The following TUBGCP6 variants were observed in gnomAD, a reference collection of about 807,000 sequenced individuals.
The protein encoded by TUBGCP6 is tubulin gamma complex component 6, also known as gamma-tubulin complex component 6.
In TUBGCP6, 161 loss-of-function variants were observed where a neutral mutation model predicts 175.8. That is an observed-to-expected ratio of 0.92 (90% CI 0.81 to 1.04). The LOEUF (loss-of-function observed/expected upper bound fraction) is 1.04, where lower values mean the gene tolerates loss of function less well. TUBGCP6 is among the 50% of genes least tolerant of loss of function. TUBGCP6 has a pLI of 0.00. For synonymous variants in TUBGCP6, 1,173 were observed against 1,030.5 expected (o/e 1.14, Z -2.65); for missense variants, 2,572 against 2,433.0 (o/e 1.06, Z -1.20).
rs2064522990 is a variant in TUBGCP6, at chr22:50,221,508, ACTC to A, written c.2848_2850del (p.Glu950del). 1 of 1,585,550 alleles carries A rather than the reference ACTC, an allele frequency of 6.3e-7. No individual in the cohort carries two copies. The highest frequency in any genetic ancestry group is 1.3e-5 in the African/African-American group (1 of 74,274). On this transcript the variant is annotated inframe_deletion, in exon 16 of 25. Coordinates refer to ENST00000248846, the MANE Select transcript of TUBGCP6 (RefSeq NM_020461.4). ...GGCCTCAGGACAGTACTAAAGTCGT[ACTC>A]CTGTGGCCTGGAGGGCTGAGTGCTG...
At position 50,219,119 on chromosome 22, in the gene TUBGCP6, C is replaced by G; in HGVS notation, c.4575G>C (p.Leu1525=). ...ACTGGGCGAACTCGCCGTCCTCCAT[C>G]AGCAGGAAGTGCCGCAGTGCCTCAT... ...AHYEALRHFL[L]MEDGEFAQSL... The change falls in exon 20 of 25, where the codon CTG becomes CTC. Residue 1525 remains leucine, a synonymous_variant. Coordinates refer to ENST00000248846, the MANE Select transcript of TUBGCP6 (RefSeq NM_020461.4). 2 of 1,613,192 alleles carry G rather than the reference C, an allele frequency of 1.2e-6. No individual in the cohort carries two copies. The highest frequency in any genetic ancestry group is 1.7e-6 in the Non-Finnish European group (2 of 1,179,972).
In TUBGCP6 at chr22:50,219,325, G is replaced by T; in HGVS notation, c.4447C>A (p.Leu1483Ile). The T allele has an allele frequency of 6.2e-7, 1 of 1,601,124 alleles. No homozygotes were observed. Among genetic ancestry groups the T allele is most frequent in the Non-Finnish European group, 8.5e-7 (1 of 1,175,208 alleles). Residue 1483 changes from leucine (L) to isoleucine (I), a missense_variant, in exon 19 of 25, where the codon CTC (leucine) becomes ATC (isoleucine). Leu to Ile is a conservative substitution (Grantham distance 5, BLOSUM62 2). Coordinates refer to ENST00000248846, the MANE Select transcript of TUBGCP6 (RefSeq NM_020461.4). ...GGTGCCGTGATGGAGCGCTTCATGA[G>T]CACGGGCAGCGTCAGCAACTCGCTC... Reference protein sequence around the residue: ...QLSELLTLPVLMKRSITAPLA... With the variant: ...QLSELLTLPVIMKRSITAPLA...
intron 4 of TUBGCP6, 91 bp downstream of exon 4, chr22:50,229,313 G>T: frequency 2.1e-6 from 3 of 1,410,250 alleles, no homozygotes; most frequent in Non-Finnish European, 2.9e-6. Flanking sequence ...AGACTCTCTG[G>T]TCCTGCAGAA....
chr22:50,233,211 C>T, intron 3 of TUBGCP6, 105 bp downstream of exon 3: 17 of 1,353,114 alleles, frequency 1.3e-5, no homozygotes, highest in Non-Finnish European at 3.0e-6. Context: ...TGCCACTCCC[C>T]ACTCCCTGCA....
Position 50,233,447 on chromosome 22 carries a change from C to G in TUBGCP6, c.985G>C (p.Gly329Arg), listed in dbSNP as rs772270428. The G allele has an allele frequency of 6.2e-7, 1 of 1,613,416 alleles. No homozygotes were observed. ...CCCCCAGCAAGCAGCTGGAGCTCCC[C>G]TTGGTGGAGCCTGCAGAACTTGTCG... ...AFDKFCRLHQ[G>R]ELQLLAGGVL... The change falls in exon 3 of 25, where the codon GGG becomes CGG. Residue 329 changes from glycine (G) to arginine (R), a missense_variant. Coordinates refer to ENST00000248846, the MANE Select transcript of TUBGCP6 (RefSeq NM_020461.4).
Position 50,226,756 on chromosome 22 carries a change from C to A in TUBGCP6, c.1578G>T (p.Lys526Asn), listed in dbSNP as rs866888915. 1.3e-6 allele frequency: 2 copies of A among 1,589,962 alleles called. No homozygotes were observed. Among genetic ancestry groups the A allele is most frequent in the Non-Finnish European group, 8.6e-7 (1 of 1,169,156 alleles). The change falls in exon 7 of 25, where the codon AAG (lysine) becomes AAT (asparagine). Residue 526 changes from lysine to asparagine, a missense_variant. Transcript: ENST00000248846. ...ACCGGGTGTAGGGCTCGCAGCTGGT[C>A]TTCAGCAGGGACAGCAGTACAGGGT... ...EHYPVLLSLL[K>N]TSCEPYTRFI...
At chr22:50,221,934 TCCC>T in intron 15 of TUBGCP6, 60 bp from the exon 16 acceptor site, 1 of 1,569,084 alleles carries the variant, frequency 6.4e-7, no homozygotes, top group Non-Finnish European at 8.7e-7. Flanking sequence ...CCTCGAACTG[TCCC>T]CCAAGTTCAG....
At chr22:50,224,873 G>A (rs1043392783) in intron 10 of TUBGCP6, among the ~76,000 whole-genome samples, 4 of 152,052 alleles carry the variant, frequency 2.6e-5, no homozygotes, top group African/African-American at 9.7e-5. Context: ...AGCCATGTTC[G>A]AGCCGCTGCA....
chr22:50,218,527 A>C lies in TUBGCP6; in HGVS notation c.4915T>G (p.Trp1639Gly). 1 of 1,613,710 alleles carries C rather than the reference A, an allele frequency of 6.2e-7. No homozygotes were observed. Among genetic ancestry groups the C allele is most frequent in the Admixed American group, 1.7e-5 (1 of 60,024 alleles). The change falls in exon 22 of 25, where the codon TGG (tryptophan) becomes GGG (glycine). Residue 1639 changes from tryptophan (W) to glycine (G), a missense_variant. Physicochemically the swap from Trp to Gly is radical, Grantham distance 184 (BLOSUM62 -2). Transcript: ENST00000248846. ...TGGAAGCAGACGTCCTTGAGCGCCC[A>C]CATCATGAGCTTCAGCTGCAGCAGG... The part of the protein sequence containing the change: ...SFLLQLKLMM[W>G]ALKDVCFHLK...
chr22:50,222,604 C>A lies in TUBGCP6; in HGVS notation c.2271-12G>T. 1 of 1,609,466 alleles carries A rather than the reference C, an allele frequency of 6.2e-7. No homozygotes were observed. The highest frequency in any genetic ancestry group is 8.5e-7 in the Non-Finnish European group (1 of 1,179,828). ...CGACCAGTGCCTGCCTGAAGCCACACACCAGAGAGGACACGGCCACAAGAG... is the reference window on the plus strand; with the variant it reads ...CGACCAGTGCCTGCCTGAAGCCACAAACCAGAGAGGACACGGCCACAAGAG... On this transcript the variant is annotated splice_polypyrimidine_tract_variant and intron_variant, in intron 13 of 24. Transcript: ENST00000248846.
intron 11 of TUBGCP6, 23 bp from the exon 12 acceptor site, chr22:50,224,443 G>C (rs781765786): frequency 5.5e-5 from 88 of 1,613,846 alleles, no homozygotes; most frequent in Non-Finnish European, 6.8e-5. Context: ...AGTAAGGGGC[G>C]CACTGTCACA....
chr22:50,231,859 C>CAA (rs71198231), intron 3 of TUBGCP6, among the ~76,000 whole-genome samples: 2,480 of 122,560 alleles, frequency 0.02, 36 homozygotes, highest in East Asian at 0.039. Context: ...GACTCCGTCT[C>CAA]AAAAAAAAAA....
intron 3 of TUBGCP6, among the ~76,000 whole-genome samples, chr22:50,233,074 C>A (rs2064714703): frequency 6.6e-6 from 1 of 152,268 alleles, no homozygotes; most frequent in South Asian, 2.1e-4. Context: ...TATCGCTTTG[C>A]TGACAGCAAT....
In TUBGCP6 at chr22:50,219,397, C is replaced by CGGGGAA. The variant is rs1569109414; in HGVS notation, c.4369_4374dup (p.Phe1457_Pro1458dup). 6.4e-7 allele frequency: 1 copy of CGGGGAA among 1,573,404 alleles called. No individual in the cohort carries two copies. Among genetic ancestry groups the CGGGGAA allele is most frequent in the Non-Finnish European group, 8.6e-7 (1 of 1,160,196 alleles). On this transcript the variant is annotated inframe_insertion, in exon 19 of 25. Transcript: ENST00000248846. ...GCGGCAGACTGGACCTGGGGGTCCA[C>CGGGGAA]GGGGAAGGCGAAGGCCCGGGGAAGC...
chr22:50,226,556 T>TG (rs991578094), intron 7 of TUBGCP6, among the ~76,000 whole-genome samples, 177 bp downstream of exon 7: 2 of 6,818 alleles, frequency 2.9e-4, no homozygotes, highest in African/African-American at 5.9e-4. Flanking sequence ...GGGGGCAGGG[T>TG]GGGGGGTGTG....
Position 50,219,697 on chromosome 22 carries a change from C to T in TUBGCP6, c.4262G>A (p.Gly1421Asp). 1.2e-6 allele frequency: 2 copies of T among 1,613,750 alleles called. No individual in the cohort carries two copies. Among genetic ancestry groups the T allele is most frequent in the Non-Finnish European group, 1.7e-6 (2 of 1,179,974 alleles). The change falls in exon 18 of 25, where the codon GGC becomes GAC. Residue 1421 changes from glycine (G) to aspartate (D), a missense_variant. By Grantham distance (94) the Gly-to-Asp change is moderately conservative. Coordinates refer to ENST00000248846, the MANE Select transcript of TUBGCP6 (RefSeq NM_020461.4). ...AQGGEQAYLA[G>D]LAGQYHLERY... ...CTCCAAGTGGTACTGCCCTGCCAGG[C>T]CTGCCAGGTAGGCCTGCTCCCCACC...
intron 1 of TUBGCP6, among the ~76,000 whole-genome samples, chr22:50,241,983 CAAAAAAAAA>C (rs55647714): frequency 2.2e-5 from 2 of 92,806 alleles, no homozygotes; most frequent in African/African-American, 1.0e-4. Context: ...GACTCCATCT[CAAAAAAAAA>C]AAAAAAAAAA....
chr22:50,218,043 C>G lies in TUBGCP6; in HGVS notation c.5243G>C (p.Arg1748Pro), dbSNP rs749885927. ...HSIFSLVLKF[R>P]SQLISQAWGP... ...CCAGGCCTGGGAGATGAGCTGGCTG[C>G]GGAACTTGAGCACGAGGCTGAAGAT... is the stretch of plus-strand genomic sequence containing the variant. The change falls in exon 24 of 25, where the codon CGC (arginine) becomes CCC (proline). Residue 1748 changes from arginine to proline, a missense_variant. Physicochemically the swap from Arg to Pro is moderately radical, Grantham distance 103. Coordinates refer to ENST00000248846, the MANE Select transcript of TUBGCP6 (RefSeq NM_020461.4). The G allele has an allele frequency of 1.2e-6, 2 of 1,613,436 alleles. No homozygotes were observed. Among genetic ancestry groups the G allele is most frequent in the Admixed American group, 1.7e-5 (1 of 60,024 alleles).
intron 14 of TUBGCP6, 26 bp downstream of exon 14, chr22:50,222,428 G>T: frequency 6.2e-7 from 1 of 1,612,250 alleles, no homozygotes; most frequent in Non-Finnish European, 8.5e-7. Context: ...CAGGGGAAGA[G>T]CTGCCATCTG....
Sources: gnomAD v4.1 joint callset for allele counts (sites outside exome capture counted in the v4.1 genomes callset) on GRCh38, gnomAD v4.1.1 for gene constraint, MANE v1.5 for transcripts, NCBI Gene and HGNC (gene_info 2026-07-23, HGNC 2026-07-21) for gene names.